HPCAL1: variants seen among roughly 807,000 people sequenced by gnomAD.
HPCAL1 encodes hippocalcin like 1.
Under a neutral mutation model 17.1 loss-of-function variants are expected in HPCAL1, and 8 were observed. That is an observed-to-expected ratio of 0.47 (90% CI 0.27 to 0.84). The LOEUF is 0.84. HPCAL1 is among the 40% of genes least tolerant of loss of function. The pLI is 0.13. For missense variants in HPCAL1, 165 were observed against 271.1 expected (o/e 0.61, Z 2.75); for synonymous variants, 112 against 111.4 (o/e 1.01, Z -0.03).
rs368525141 is a variant in HPCAL1, at chr2:10,350,875, C to T, written c.-110-45960C>T. On this transcript the variant is annotated intron_variant, in intron 1 of 4. Coordinates refer to ENST00000307845, the MANE Select transcript of HPCAL1 (RefSeq NM_002149.4). ...AGGGAAATGCACATGAAAACAACAG[C>T]GATATATCCAGTAAGACTGCTAGAA... 1.3e-4 allele frequency among the ~76,000 whole-genome samples: 20 copies of T among 152,178 alleles called. No homozygotes were observed. The East Asian group carries it at 1.7e-3, about 13-fold the overall frequency.
At chr2:10,320,252 G>A (rs747270329) in intron 1 of HPCAL1, among the ~76,000 whole-genome samples, 14 of 152,054 alleles carry the variant, frequency 9.2e-5, no homozygotes, top group Admixed American at 2.6e-4. Flanking sequence ...GGACATGGAC[G>A]GATATGGTTT....
chr2:10,373,706 C>T (rs1051396949), intron 1 of HPCAL1, among the ~76,000 whole-genome samples: 5 of 152,112 alleles, frequency 3.3e-5, no homozygotes, highest in Non-Finnish European at 5.9e-5. Context: ...TCACCTGCTC[C>T]TCAGCCTTCT....
At chr2:10,407,068 A>T (rs1350361159) in intron 2 of HPCAL1, among the ~76,000 whole-genome samples, 1 of 152,134 alleles carries the variant, frequency 6.6e-6, no homozygotes, top group East Asian at 1.9e-4. Context: ...ACTGGAGAGT[A>T]GCAGGAAGTC....
In HPCAL1 at chr2:10,420,140, C is replaced by T. The variant is rs775231445; in HGVS notation, c.378+5C>T. On this transcript the variant is annotated splice_donor_5th_base_variant and intron_variant, in intron 3 of 4. Transcript: ENST00000307845. The stretch of plus-strand genomic sequence containing the variant: ...GAGATGCTGGAGATCGTGCAGGTAC[C>T]GGCGCCCGAGGCCCCGGGTCTCACC... 17 of 1,601,788 alleles carry T rather than the reference C, an allele frequency of 1.1e-5. No individual in the cohort carries two copies. Among genetic ancestry groups the T allele is most frequent in the East Asian group, 2.2e-5 (1 of 44,612 alleles).
intron 1 of HPCAL1, among the ~76,000 whole-genome samples, chr2:10,305,845 G>A (rs1049452748): frequency 2.0e-5 from 3 of 152,164 alleles, no homozygotes; most frequent in South Asian, 2.1e-4. Context: ...TGGTGCAAAC[G>A]CCCCAGCCAG....
At chr2:10,368,687 C>T (rs374845322) in intron 1 of HPCAL1, 52 of 152,336 alleles carry the variant, frequency 3.4e-4, no homozygotes, top group African/African-American at 1.1e-3. Context: ...TGGTGGTGGC[C>T]GCCCTTGGGG....
chr2:10,403,284 A>G (rs1038122466), intron 2 of HPCAL1, among the ~76,000 whole-genome samples: 3 of 151,950 alleles, frequency 2.0e-5, no homozygotes, highest in African/African-American at 7.3e-5. Flanking sequence ...GTTTTTCTCA[A>G]GGATGTTTTT....
chr2:10,385,665 C>T (rs550903950), intron 1 of HPCAL1, among the ~76,000 whole-genome samples: 15 of 152,264 alleles, frequency 9.9e-5, no homozygotes, highest in South Asian at 2.1e-4. Flanking sequence ...TAGGATTTGC[C>T]GAGCCTTTTG....
In HPCAL1 at chr2:10,363,852, A is replaced by G. The variant is rs1480082713; in HGVS notation, c.-110-32983A>G. Among the ~76,000 whole-genome samples the G allele has an allele frequency of 3.3e-5, 5 of 152,168 alleles. No homozygotes were observed. The highest frequency in any genetic ancestry group is 7.4e-5 in the Non-Finnish European group (5 of 68,008). On this transcript the variant is annotated intron_variant, in intron 1 of 4. Transcript: ENST00000307845. This position sits in a 1 kb window ranked among gnomAD's most constrained non-coding sequence, Gnocchi z 4.7. ...TGGTTCTCTGGTCTGTTAAGTGGCA[A>G]TCTTGCCCCTTCTGTTTTAGGCACT...
chr2:10,350,719 A>G (rs745702546), intron 1 of HPCAL1, among the ~76,000 whole-genome samples: 4 of 152,248 alleles, frequency 2.6e-5, no homozygotes, highest in Non-Finnish European at 4.4e-5. Context: ...GAATATATAA[A>G]GAACTCTTAC....
At chr2:10,371,949 G>T (rs370674343) in intron 1 of HPCAL1, among the ~76,000 whole-genome samples, 1 of 152,228 alleles carries the variant, frequency 6.6e-6, no homozygotes, top group Non-Finnish European at 1.5e-5. Flanking sequence ...CTCCAGGCCC[G>T]CCAGCGCCTC....
chr2:10,425,675 C>T (rs903774508), intron 4 of HPCAL1: 2 of 152,374 alleles, frequency 1.3e-5, no homozygotes, highest in Non-Finnish European at 2.9e-5. Flanking sequence ...TGCGCCAGAG[C>T]CGAGAGCCCC....
At chr2:10,400,739 G>A (rs1374075574) in intron 2 of HPCAL1, among the ~76,000 whole-genome samples, 1 of 151,898 alleles carries the variant, frequency 6.6e-6, no homozygotes, top group Non-Finnish European at 1.5e-5. Flanking sequence ...GCAGACACGT[G>A]CCTGCACACA....
intron 1 of HPCAL1, among the ~76,000 whole-genome samples, chr2:10,376,783 C>T (rs1667591495): frequency 6.6e-6 from 1 of 151,858 alleles, no homozygotes; most frequent in South Asian, 2.1e-4. Context: ...TTTAAGTTTG[C>T]CATAAACAGA....
chr2:10,378,713 G>C (rs557714056), intron 1 of HPCAL1, among the ~76,000 whole-genome samples: 2 of 152,324 alleles, frequency 1.3e-5, no homozygotes, highest in African/African-American at 4.8e-5. Context: ...TTTGAGGAGA[G>C]GGCACAGCCG....
intron 2 of HPCAL1, among the ~76,000 whole-genome samples, chr2:10,399,528 A>C (rs1412347469): frequency 8.9e-6 from 1 of 112,360 alleles, no homozygotes; most frequent in East Asian, 2.4e-4. Context: ...CACCACCGCC[A>C]CTGCCACCGC....
chr2:10,404,456 C>G lies in HPCAL1; in HGVS notation c.-25+7536C>G, dbSNP rs139080096. 1.7e-4 allele frequency among the ~76,000 whole-genome samples: 26 copies of G among 152,320 alleles called. No homozygotes were observed. The East Asian group carries it at 5.0e-3, about 29-fold the overall frequency. ...CATCTCCTACATTGTCTGCAAAATC[C>G]TGCAGAAAGCCTGGCCTGTGCTGGT... On this transcript the variant is annotated intron_variant, in intron 2 of 4. Coordinates refer to ENST00000307845, the MANE Select transcript of HPCAL1 (RefSeq NM_002149.4).
chr2:10,393,959 G>GAA lies in HPCAL1; in HGVS notation c.-110-2860_-110-2859dup, dbSNP rs34916252. On this transcript the variant is annotated intron_variant, in intron 1 of 4. Transcript: ENST00000307845. ...GTGAGATCTCATCTCTACTAAAAAT[G>GAA]AAAAAAAAAAAAAAAAAGATTGGGG... 4.7e-3 allele frequency among the ~76,000 whole-genome samples: 613 copies of GAA among 129,792 alleles called. 1 individual carries two copies. Among genetic ancestry groups the GAA allele is most frequent in the African/African-American group, 6.3e-3 (218 of 34,506 alleles). The allele number at this position is 129,792 out of a possible 152,430, so 85.1% of individuals were successfully genotyped here.
chr2:10,415,658 C>T (rs1005681529), intron 2 of HPCAL1, among the ~76,000 whole-genome samples: 2 of 152,244 alleles, frequency 1.3e-5, no homozygotes, highest in African/African-American at 4.8e-5. Context: ...GCGGTTTGGT[C>T]GGGTGCCCCA....
Sources: gnomAD v4.1 joint callset for allele counts (sites outside exome capture counted in the v4.1 genomes callset) on GRCh38, gnomAD v4.1.1 for gene constraint, Gnocchi (gnomAD v3.1) non-coding constraint, MANE v1.5 for transcripts, NCBI Gene and HGNC (gene_info 2026-07-23, HGNC 2026-07-21) for gene names.